ZFYVE27: variants seen among roughly 807,000 people sequenced by gnomAD.
ZFYVE27 encodes the protein protrudin.
In ZFYVE27, 36 loss-of-function variants were observed where a neutral mutation model predicts 52.8. That is an observed-to-expected ratio of 0.68 (90% CI 0.52 to 0.90). The LOEUF (loss-of-function observed/expected upper bound fraction) is 0.90, where lower values mean the gene tolerates loss of function less well. Among genes scored for constraint, ZFYVE27 ranks in the 40% least tolerant of loss-of-function variants. ZFYVE27 has a pLI of 0.00. For synonymous variants in ZFYVE27, 223 were observed against 215.6 expected, an observed-to-expected ratio of 1.03 and a Z score of -0.30; for missense variants, 450 against 527.2, an observed-to-expected ratio of 0.85 and a Z score of 1.43.
In ZFYVE27 at chr10:97,738,494, G is replaced by A; in HGVS notation, c.17G>A (p.Arg6His). Residue 6 changes from arginine to histidine, a missense_variant, in exon 2 of 13, where the codon CGT becomes CAT. Arg to His is a conservative substitution (Grantham distance 29). Coordinates refer to ENST00000684270, the MANE Select transcript of ZFYVE27 (RefSeq NM_001385875.1). ...GGTTACAGGATGCAGACATCAGAAC[G>A]TGAGGGGAGTGGGCCGGAGCTGAGC... MQTSEREGSGPELSPS... is the reference protein window; with the variant it reads MQTSEHEGSGPELSPS... The A allele has an allele frequency of 6.2e-7, 1 of 1,614,150 alleles. No homozygotes were observed.
chr10:97,741,945 A>G (rs1330718923), intron 2 of ZFYVE27, among the ~76,000 whole-genome samples: 1 of 152,058 alleles, frequency 6.6e-6, no homozygotes, highest in Non-Finnish European at 1.5e-5. Flanking sequence ...AGCCTGGCCA[A>G]CATAGTGAAA....
Position 97,748,272 on chromosome 10 carries a change from G to T in ZFYVE27, c.459G>T (p.Leu153Phe), listed in dbSNP as rs2045993454. 2 of 1,613,996 alleles carry T rather than the reference G, an allele frequency of 1.2e-6. No individual in the cohort carries two copies. Among genetic ancestry groups the T allele is most frequent in the African/African-American group, 1.3e-5 (1 of 75,060 alleles). The change falls in exon 5 of 13, where the codon TTG becomes TTT. Residue 153 changes from leucine to phenylalanine, a missense_variant. Transcript: ENST00000684270. Reference sequence around the variant, plus strand: ...ACCAAAGCCCCTGTGTCTGTAGCTTGATCCAGCTGGAGGCCTTCCTGAGCC... The same window carrying T: ...ACCAAAGCCCCTGTGTCTGTAGCTTTATCCAGCTGGAGGCCTTCCTGAGCC... ...PEAVAEVKSF[L>F]IQLEAFLSRL...
intron 3 of ZFYVE27, 137 bp downstream of exon 3, chr10:97,743,301 A>T: frequency 9.5e-7 from 1 of 1,049,566 alleles, no homozygotes; most frequent in Non-Finnish European, 1.5e-6. Flanking sequence ...GCTTGGAGTC[A>T]GAAACAGCCT....
rs189106193 is a variant in ZFYVE27 at position 97,747,258 on chromosome 10, G to A, written c.456-1011G>A. On this transcript the variant is annotated intron_variant, in intron 4 of 12. Transcript: ENST00000684270. Reference sequence around the variant, plus strand: ...AGTACATCCGTATCAGGAGGCACCTGATGTCAGGAAATACTGACTTTGATC... The same window carrying A: ...AGTACATCCGTATCAGGAGGCACCTAATGTCAGGAAATACTGACTTTGATC... Among the ~76,000 whole-genome samples the A allele has an allele frequency of 1.8e-4, 28 of 152,292 alleles. No homozygotes were observed. In the East Asian group the frequency reaches 5.2e-3, roughly 28 times the overall value.
chr10:97,743,276 T>C (rs770847918), intron 3 of ZFYVE27, 112 bp downstream of exon 3: 309 of 1,232,446 alleles, frequency 2.5e-4, no homozygotes, highest in Non-Finnish European at 3.6e-4. Context: ...CTGGAGTTAG[T>C]GTTCCTCTGT....
At chr10:97,738,386 G>GTA (rs1265387583) in intron 1 of ZFYVE27, 91 bp from the exon 2 acceptor site, 8 of 1,419,224 alleles carry the variant, frequency 5.6e-6, no homozygotes, top group Non-Finnish European at 7.9e-6. Context: ...CTTGCTCACA[G>GTA]GTTTACTGTT....
At chr10:97,757,214 C>G (rs373284697) in intron 10 of ZFYVE27, 51 bp from the exon 11 acceptor site, 2 of 1,613,380 alleles carry the variant, frequency 1.2e-6, no homozygotes, top group Non-Finnish European at 1.7e-6. Context: ...AGCAGGTGAG[C>G]GTGAGAGTCC....
intron 8 of ZFYVE27, 105 bp from the exon 9 acceptor site, chr10:97,752,752 G>A: frequency 4.7e-6 from 6 of 1,286,594 alleles, no homozygotes; most frequent in African/African-American, 1.5e-5. Flanking sequence ...TCAGAGCAGC[G>A]CTTCCATGCT....
At position 97,759,457 on chromosome 10, in the gene ZFYVE27, C is replaced by A; in HGVS notation, c.*157C>A. 1 of 779,010 alleles carries A rather than the reference C, an allele frequency of 1.3e-6. No homozygotes were observed. The highest frequency in any genetic ancestry group is 2.2e-6 in the Non-Finnish European group (1 of 452,746). 48.3% of individuals were successfully genotyped at this position (779,010 alleles called of 1,614,324 possible). A position where few individuals can be genotyped will look rare whatever the true frequency, so the allele number is the denominator to read the frequency against. ...CTTCCTCACTCTCTCCAGCTGGATTCTGGAGCTGTTCTCCATCCATGAGAG... is the reference window on the plus strand; with the variant it reads ...CTTCCTCACTCTCTCCAGCTGGATTATGGAGCTGTTCTCCATCCATGAGAG... On this transcript the variant is annotated 3_prime_UTR_variant, in exon 13 of 13. Transcript: ENST00000684270.
At chr10:97,748,453 C>T (rs2046045973) in intron 5 of ZFYVE27, 89 bp downstream of exon 5, 12 of 1,329,116 alleles carry the variant, frequency 9.0e-6, no homozygotes, top group African/African-American at 1.4e-5. Context: ...GGACCTCTGC[C>T]CCTCTTACCT....
At position 97,757,421 on chromosome 10, in the gene ZFYVE27, T is replaced by C. The variant is rs1340482599; in HGVS notation, c.1089+110T>C. On this transcript the variant is annotated intron_variant, in intron 11 of 12. Coordinates refer to ENST00000684270, the MANE Select transcript of ZFYVE27 (RefSeq NM_001385875.1). ...AGTCTGGCTCGGGTCACATTGGGCC[T>C]GGCAGTGGCTTTCTGGAGTGAGTGT... The C allele has an allele frequency of 4.0e-6, 6 of 1,512,336 alleles. No homozygotes were observed. In the East Asian group the frequency reaches 1.1e-4, roughly 28 times the overall value. 93.7% of individuals were successfully genotyped at this position (1,512,336 alleles called of 1,614,324 possible).
At chr10:97,750,729 C>A (rs1040880282) in intron 7 of ZFYVE27, among the ~76,000 whole-genome samples, 1 of 151,850 alleles carries the variant, frequency 6.6e-6, no homozygotes, top group Non-Finnish European at 1.5e-5. Flanking sequence ...TTCTTTCTTT[C>A]CTTTTCTTTT....
chr10:97,741,872 T>C (rs1156687220), intron 2 of ZFYVE27, among the ~76,000 whole-genome samples: 1 of 152,182 alleles, frequency 6.6e-6, no homozygotes, highest in Non-Finnish European at 1.5e-5. Flanking sequence ...AGCTTACGCC[T>C]TTAATCCCAG....
chr10:97,753,080 G>A lies in ZFYVE27; in HGVS notation c.940G>A (p.Ala314Thr). The part of the protein sequence containing the change: ...GAPCPAEDEL[A>T]LQDNGFLSKN... ...CCCGTGCCCAGCAGAGGATGAGCTG[G>A]CCCTGCAGGACAACGGGTTCCTGAG... is the stretch of plus-strand genomic sequence containing the variant. Residue 314 changes from alanine to threonine, a missense_variant, in exon 10 of 13, where the codon GCC (alanine) becomes ACC (threonine). Ala to Thr is a moderately conservative substitution (Grantham distance 58). Transcript: ENST00000684270. The A allele has an allele frequency of 6.2e-7, 1 of 1,611,836 alleles. No homozygotes were observed. The highest frequency in any genetic ancestry group is 1.1e-5 in the South Asian group (1 of 90,556).
Position 97,743,184 on chromosome 10 carries a change from G to C in ZFYVE27, c.268+20G>C. The C allele has an allele frequency of 1.2e-6, 2 of 1,614,118 alleles. No individual in the cohort carries two copies. The highest frequency in any genetic ancestry group is 8.5e-7 in the Non-Finnish European group (1 of 1,179,970). ...ATGAGGGTAAGAACTGCCTTCAGGG[G>C]CCAGTGGTTTTTGTGAACGAATGTG... is the stretch of plus-strand genomic sequence containing the variant. On this transcript the variant is annotated intron_variant, in intron 3 of 12. Transcript: ENST00000684270.
chr10:97,737,714 G>A (rs2042485628), intron 1 of ZFYVE27, among the ~76,000 whole-genome samples: 1 of 152,240 alleles, frequency 6.6e-6, no homozygotes, highest in South Asian at 2.1e-4. Context: ...TAGAGTTCAG[G>A]ATAGGACTTT....
At chr10:97,751,506 A>G (rs889617286) in intron 8 of ZFYVE27, 44 bp downstream of exon 8, 13 of 1,597,582 alleles carry the variant, frequency 8.1e-6, no homozygotes, top group Non-Finnish European at 1.1e-5. Context: ...CAGGCCAGAA[A>G]TTGGGTGGTC....
Position 97,738,943 on chromosome 10 carries a change from C to T in ZFYVE27, c.197+269C>T, listed in dbSNP as rs1441033051. Reference sequence around the variant, plus strand: ...AAGCTCCTTCCTCTGGACTGCTGGACAACCTTGAACATCACGCCTTCTACA... The same window carrying T: ...AAGCTCCTTCCTCTGGACTGCTGGATAACCTTGAACATCACGCCTTCTACA... On this transcript the variant is annotated intron_variant, in intron 2 of 12. Transcript: ENST00000684270. The T allele has an allele frequency of 6.3e-6, 3 of 475,308 alleles. No homozygotes were observed. In the East Asian group the frequency reaches 1.1e-4, roughly 18 times the overall value. 29.4% of individuals were successfully genotyped at this position (475,308 alleles called of 1,614,324 possible). A position where few individuals can be genotyped will look rare whatever the true frequency, so the allele number is the denominator to read the frequency against.
chr10:97,743,613 G>C (rs2044354457), intron 3 of ZFYVE27, among the ~76,000 whole-genome samples: 1 of 152,182 alleles, frequency 6.6e-6, no homozygotes. Flanking sequence ...GGTCATCTGG[G>C]GACATGGCAT....
Sources: allele counts gnomAD v4.1 joint callset (sites outside exome capture counted in the v4.1 genomes callset), GRCh38; gene constraint gnomAD v4.1.1; transcripts MANE v1.5; gene names NCBI Gene and HGNC (gene_info 2026-07-23, HGNC 2026-07-21).